MLPH: variants seen among roughly 807,000 people sequenced by gnomAD.
MLPH encodes melanophilin.
In MLPH, 51 loss-of-function variants were observed where a neutral mutation model predicts 72.1. The observed-to-expected ratio is 0.71, with a 90% CI of 0.56 to 0.89. The LOEUF is 0.89. Among genes scored for constraint, MLPH ranks in the 40% least tolerant of loss-of-function variants. The pLI is 0.00. For synonymous variants in MLPH, 301 were observed against 310.1 expected (o/e 0.97, Z 0.31); for missense variants, 743 against 759.9 (o/e 0.98, Z 0.26).
chr2:237,489,190 G>A lies in MLPH; in HGVS notation c.-25+1753G>A, dbSNP rs566516154. On this transcript the variant is annotated intron_variant, in intron 1 of 15. Coordinates refer to ENST00000264605, the MANE Select transcript of MLPH (RefSeq NM_024101.7). ...CACCATCCTCCTACAGCCTCACCTG[G>A]GACCCATCCTTGCGGTAGAGACTAG... Among the ~76,000 whole-genome samples, 22 of 152,332 alleles carry A rather than the reference G, an allele frequency of 1.4e-4. No homozygotes were observed. The South Asian group carries it at 4.4e-3, about 30-fold the overall frequency.
intron 9 of MLPH, among the ~76,000 whole-genome samples, chr2:237,540,051 C>A (rs1257784687): frequency 6.6e-6 from 1 of 152,192 alleles, no homozygotes; most frequent in Non-Finnish European, 1.5e-5. Context: ...CTGGAATAAA[C>A]AAATGGCACC....
Position 237,510,111 on chromosome 2 carries a change from C to T in MLPH, c.111-463C>T, listed in dbSNP as rs1271183119. Reference sequence around the variant, plus strand: ...GATGATTCCTGCTCTGGAAACTCACCGAGCCATTTCAGCTGCGCTCTAGAG... The same window carrying T: ...GATGATTCCTGCTCTGGAAACTCACTGAGCCATTTCAGCTGCGCTCTAGAG... On this transcript the variant is annotated intron_variant, in intron 2 of 15. Coordinates refer to ENST00000264605, the MANE Select transcript of MLPH (RefSeq NM_024101.7). This position sits in a 1 kb window ranked among gnomAD's most constrained non-coding sequence, Gnocchi z 4.4. 4 of 242,658 alleles carry T rather than the reference C, an allele frequency of 1.6e-5. No homozygotes were observed. Among genetic ancestry groups the T allele is most frequent in the Admixed American group, 5.1e-5 (1 of 19,484 alleles). The allele number at this position is 242,658 out of a possible 1,614,324, so 15.0% of individuals were successfully genotyped here.
chr2:237,540,095 A>C lies in MLPH; in HGVS notation c.1105-253A>C, dbSNP rs141995536. 5.6e-3 allele frequency among the ~76,000 whole-genome samples: 857 copies of C among 152,344 alleles called. 11 individuals carry two copies. The highest frequency in any genetic ancestry group is 0.02 in the African/African-American group (831 of 41,574). On this transcript the variant is annotated intron_variant, in intron 9 of 15. Coordinates refer to ENST00000264605, the MANE Select transcript of MLPH (RefSeq NM_024101.7). ...AAAGGGATGAGAAGGGAGAAAAAAAATGTGGGTCTTAGATAGCCAGGGGTG... is the reference window on the plus strand; with the variant it reads ...AAAGGGATGAGAAGGGAGAAAAAAACTGTGGGTCTTAGATAGCCAGGGGTG...
At chr2:237,542,976 G>T (rs376119710) in intron 12 of MLPH, among the ~76,000 whole-genome samples, 1 of 42,066 alleles carries the variant, frequency 2.4e-5, no homozygotes. Flanking sequence ...GTGAGTGGGG[G>T]GACAGTGGTG....
At chr2:237,507,854 T>C (rs1410321430) in intron 2 of MLPH, among the ~76,000 whole-genome samples, 1 of 152,222 alleles carries the variant, frequency 6.6e-6, no homozygotes, top group East Asian at 1.9e-4. Context: ...ACAGTTCATC[T>C]CTCTGTTGTT....
chr2:237,516,882 T>C (rs1012581447), intron 4 of MLPH, among the ~76,000 whole-genome samples: 72 of 145,550 alleles, frequency 4.9e-4, no homozygotes, highest in Non-Finnish European at 8.8e-4. Flanking sequence ...GGTGGATGGA[T>C]GGTAGGATGG....
At chr2:237,553,125 C>T (rs1346809918) in intron 15 of MLPH, 4 of 472,870 alleles carry the variant, frequency 8.5e-6, no homozygotes, top group Middle Eastern at 3.4e-4. Context: ...CCAATGTGAT[C>T]AGTCGCAGGA....
intron 9 of MLPH, 31 bp from the exon 10 acceptor site, chr2:237,540,317 C>T (rs746956519): frequency 1.4e-5 from 22 of 1,611,760 alleles, no homozygotes; most frequent in Admixed American, 1.3e-4. Flanking sequence ...GATGGCTAGC[C>T]GAATCCAAAT....
At chr2:237,501,892 T>A (rs1025686032) in intron 2 of MLPH, among the ~76,000 whole-genome samples, 1 of 152,170 alleles carries the variant, frequency 6.6e-6, no homozygotes, top group Admixed American at 6.6e-5. Flanking sequence ...TTAAAACTTT[T>A]CCGCTCATCT....
chr2:237,551,098 C>A (rs994051815), intron 14 of MLPH, among the ~76,000 whole-genome samples: 5 of 152,268 alleles, frequency 3.3e-5, no homozygotes, highest in Admixed American at 1.3e-4. Flanking sequence ...GCCACGGGAG[C>A]TTTTCACTGT....
rs1559344480 is a variant in MLPH at position 237,510,612 on chromosome 2, G to A, written c.149G>A (p.Arg50Lys). 6.2e-7 allele frequency: 1 copy of A among 1,613,652 alleles called. No homozygotes were observed. The highest frequency in any genetic ancestry group is 1.7e-5 in the Admixed American group (1 of 60,024). Residue 50 changes from arginine (R) to lysine (K), a missense_variant, in exon 3 of 16, where the codon AGG (arginine) becomes AAG (lysine). Arg to Lys is a conservative substitution (Grantham distance 26, BLOSUM62 2). Transcript: ENST00000264605. The surrounding 1 kb of genome is among the most constrained non-coding windows in gnomAD (Gnocchi z 4.4). ...KGKIKKESSK[R>K]ELLSDTAHLN... ...AAGATTAAGAAGGAAAGCTCCAAGA[G>A]GGAGCTGCTTTCCGACACTGCCCAT...
At chr2:237,498,031 G>A (rs1459389346) in intron 2 of MLPH, among the ~76,000 whole-genome samples, 1 of 152,172 alleles carries the variant, frequency 6.6e-6, no homozygotes, top group African/African-American at 2.4e-5. Context: ...CCAGCCCGAG[G>A]AAACTCAAGG....
In MLPH at chr2:237,542,605, C is replaced by T. The variant is rs113254879; in HGVS notation, c.1485C>T (p.Ala495=). The stretch of plus-strand genomic sequence containing the variant: ...AATCCAGGATTGCAGCCCTGAGGGC[C>T]GCAGGGCTCACGGTGAAGCCCTCGG... ...DIESRIAALR[A]AGLTVKPSGK... is the part of the protein sequence containing the mutation. Residue 495 remains alanine (A), a synonymous_variant, in exon 12 of 16, where the codon GCC becomes GCT. Transcript: ENST00000264605. 1.4e-4 allele frequency: 219 copies of T among 1,603,482 alleles called. No individual in the cohort carries two copies. The highest frequency in any genetic ancestry group is 1.7e-4 in the Non-Finnish European group (205 of 1,176,010).
intron 2 of MLPH, among the ~76,000 whole-genome samples, chr2:237,502,099 G>T (rs1162279954): frequency 6.6e-6 from 1 of 152,124 alleles, no homozygotes; most frequent in East Asian, 1.9e-4. Flanking sequence ...AAGTTCCATT[G>T]TCCCTGTTTT....
rs910822837 is a variant in MLPH at position 237,505,439 on chromosome 2, A to G, written c.111-5135A>G. Among the ~76,000 whole-genome samples, 29 of 152,182 alleles carry G rather than the reference A, an allele frequency of 1.9e-4. No homozygotes were observed. Among genetic ancestry groups the G allele is most frequent in the African/African-American group, 5.3e-4 (22 of 41,526 alleles). ...GGATTCCCCACCACCCCAGCACCCA[A>G]CGCAAGTGGAGGCCCACAGGACCCC... On this transcript the variant is annotated intron_variant, in intron 2 of 15. Coordinates refer to ENST00000264605, the MANE Select transcript of MLPH (RefSeq NM_024101.7). The surrounding 1 kb of genome is among the most constrained non-coding windows in gnomAD (Gnocchi z 4.5).
At chr2:237,524,217 C>T (rs972494090) in intron 6 of MLPH, among the ~76,000 whole-genome samples, 6 of 150,408 alleles carry the variant, frequency 4.0e-5, no homozygotes, top group African/African-American at 9.9e-5. Flanking sequence ...GTTACTAGGG[C>T]CAGTGTCAAG....
chr2:237,521,826 G>A (rs1350371302), intron 6 of MLPH, among the ~76,000 whole-genome samples: 4 of 147,602 alleles, frequency 2.7e-5, no homozygotes, highest in African/African-American at 7.9e-5. Context: ...GCTGAGACTG[G>A]GGTTGGGCCT....
At chr2:237,534,795 A>G in intron 9 of MLPH, 148 bp downstream of exon 9, 3 of 708,000 alleles carry the variant, frequency 4.2e-6, no homozygotes, top group East Asian at 5.4e-5. Flanking sequence ...TCAGAGAGCC[A>G]GGCAGTTCCC....
At chr2:237,494,046 C>T (rs143673758) in intron 2 of MLPH, among the ~76,000 whole-genome samples, 19 of 152,308 alleles carry the variant, frequency 1.2e-4, no homozygotes, top group East Asian at 7.7e-4. Context: ...CTATCCACTG[C>T]GCATCTTCCT....
Sources: gnomAD v4.1 joint callset for allele counts (sites outside exome capture counted in the v4.1 genomes callset) on GRCh38, gnomAD v4.1.1 for gene constraint, Gnocchi (gnomAD v3.1) non-coding constraint, MANE v1.5 for transcripts, NCBI Gene and HGNC (gene_info 2026-07-23, HGNC 2026-07-21) for gene names.